Variants in MCC observed in about 807,000 individuals in gnomAD.
MCC encodes colorectal mutant cancer protein.
A neutral mutation model predicts 116.2 loss-of-function variants in MCC; 90 were observed. That is an observed-to-expected ratio of 0.77 (90% CI 0.65 to 0.92). The LOEUF (loss-of-function observed/expected upper bound fraction) is 0.92. MCC is among the 40% of genes least tolerant of loss of function. The pLI is 0.00. For missense variants in MCC, 1,516 were observed against 1,312.2 expected (o/e 1.16, Z -2.40); for synonymous variants, 578 against 510.5 (o/e 1.13, Z -1.78).
chr5:113,427,034 T>G (rs539242847), intron 1 of MCC, among the ~76,000 whole-genome samples: 2 of 152,164 alleles, frequency 1.3e-5, no homozygotes, highest in Non-Finnish European at 2.9e-5. Flanking sequence ...CACATCCTAA[T>G]TGATATATTT....
chr5:113,120,188 G>C (rs1364406727), intron 6 of MCC, among the ~76,000 whole-genome samples: 1 of 152,110 alleles, frequency 6.6e-6, no homozygotes, highest in South Asian at 2.1e-4. Context: ...CTGAAGCTTG[G>C]GGCTGCCAGG....
chr5:113,243,656 C>T (rs564793844), intron 3 of MCC, among the ~76,000 whole-genome samples: 1 of 152,302 alleles, frequency 6.6e-6, no homozygotes, highest in East Asian at 1.9e-4. Flanking sequence ...AAGGCGCTGG[C>T]CATGCCTAGT....
intron 2 of MCC, among the ~76,000 whole-genome samples, chr5:113,347,388 TTTTG>T (rs957189033): frequency 5.9e-5 from 9 of 151,878 alleles, no homozygotes; most frequent in East Asian, 3.9e-4. Context: ...TTTCGTGTTT[TTTTG>T]TTTGTTTATG....
At chr5:113,139,189 A>G (rs910436555) in intron 5 of MCC, among the ~76,000 whole-genome samples, 5 of 152,138 alleles carry the variant, frequency 3.3e-5, no homozygotes, top group Admixed American at 6.5e-5. Context: ...CAAGGACCCC[A>G]TTTTAAGGAC....
chr5:113,101,604 A>T, intron 8 of MCC, 135 bp downstream of exon 8: 1 of 840,924 alleles, frequency 1.2e-6, no homozygotes, highest in Non-Finnish European at 1.9e-6. Context: ...GAAGGACTTC[A>T]TAACAGGAAA....
chr5:113,157,228 C>T (rs1235865694), intron 3 of MCC, among the ~76,000 whole-genome samples: 1 of 152,152 alleles, frequency 6.6e-6, no homozygotes, highest in African/African-American at 2.4e-5. Flanking sequence ...GTGCACACAC[C>T]ACTCTCCAGG....
rs569634423 is a variant in MCC, at chr5:113,116,177, C to A, written c.1027+6507G>T. Reference sequence around the variant, plus strand: ...CAGTGGATCCTCCATTAGCACTCATCCCAGGCCCTGTGACCCTCATGCTAA... The same window carrying A: ...CAGTGGATCCTCCATTAGCACTCATACCAGGCCCTGTGACCCTCATGCTAA... On this transcript the variant is annotated intron_variant, in intron 6 of 18. Coordinates refer to ENST00000408903, the MANE Select transcript of MCC (RefSeq NM_001085377.2). 4.6e-5 allele frequency among the ~76,000 whole-genome samples: 7 copies of A among 152,326 alleles called. No individual in the cohort carries two copies. In the East Asian group the frequency reaches 1.3e-3, roughly 29 times the overall value.
chr5:113,375,530 G>T (rs1768960438), intron 2 of MCC, among the ~76,000 whole-genome samples: 1 of 152,088 alleles, frequency 6.6e-6, no homozygotes, highest in African/African-American at 2.4e-5. Context: ...TTCTCAGCTG[G>T]GCTGGGCTTA....
At chr5:113,316,084 G>A (rs1767272636) in intron 3 of MCC, among the ~76,000 whole-genome samples, 1 of 151,748 alleles carries the variant, frequency 6.6e-6, no homozygotes, top group African/African-American at 2.4e-5. Flanking sequence ...GGTGAAACCC[G>A]GTGTCTACTA....
At chr5:113,485,592 G>GA (rs141952104) in intron 1 of MCC, among the ~76,000 whole-genome samples, 31,901 of 152,030 alleles carry the variant, frequency 0.21, 3,881 homozygotes, top group Admixed American at 0.34. Flanking sequence ...GATGAAGAGG[G>GA]AGACAGGGCA....
intron 2 of MCC, among the ~76,000 whole-genome samples, chr5:113,373,897 TTTTG>T (rs1299658460): frequency 7.1e-6 from 1 of 139,904 alleles, no homozygotes; most frequent in East Asian, 2.0e-4. Flanking sequence ...AGCTGAGGTT[TTTTG>T]TTTTTGTTTT....
chr5:113,099,345 T>C (rs544778407), intron 8 of MCC, among the ~76,000 whole-genome samples: 2 of 152,334 alleles, frequency 1.3e-5, no homozygotes, highest in East Asian at 3.9e-4. Context: ...TGCAGGCCTG[T>C]ATGTGTGTGT....
intron 13 of MCC, among the ~76,000 whole-genome samples, chr5:113,067,056 G>A (rs1341238985): frequency 6.6e-6 from 1 of 152,192 alleles, no homozygotes; most frequent in African/African-American, 2.4e-5. Context: ...CAGGCTCGGA[G>A]CCACAATCAC....
chr5:113,034,865 C>G (rs540025348), intron 17 of MCC, among the ~76,000 whole-genome samples: 2 of 152,322 alleles, frequency 1.3e-5, no homozygotes, highest in East Asian at 3.9e-4. Flanking sequence ...TGCACAAGGC[C>G]TCCAGAGCCT....
intron 1 of MCC, among the ~76,000 whole-genome samples, chr5:113,449,891 A>G (rs2150419568): frequency 6.6e-6 from 1 of 152,320 alleles, no homozygotes; most frequent in East Asian, 1.9e-4. Flanking sequence ...TTTCAAATTT[A>G]TAGTCCTATG....
chr5:113,303,093 G>C (rs1766901752), intron 3 of MCC, among the ~76,000 whole-genome samples: 1 of 152,178 alleles, frequency 6.6e-6, no homozygotes, highest in African/African-American at 2.4e-5. Context: ...GTTTCGCAGA[G>C]GAAATCAAGT....
chr5:113,140,057 A>T (rs1004408266), intron 5 of MCC, among the ~76,000 whole-genome samples: 1 of 152,248 alleles, frequency 6.6e-6, no homozygotes, highest in Non-Finnish European at 1.5e-5. Flanking sequence ...TAAGGAACAT[A>T]CAATAAAACT....
chr5:113,381,353 C>T (rs1012945207), intron 2 of MCC, among the ~76,000 whole-genome samples: 1 of 152,102 alleles, frequency 6.6e-6, no homozygotes, highest in Admixed American at 6.5e-5. Flanking sequence ...ATCAAAAGTT[C>T]TTTTTCACTG....
At chr5:113,141,076 G>A (rs907883042) in intron 5 of MCC, among the ~76,000 whole-genome samples, 6 of 152,130 alleles carry the variant, frequency 3.9e-5, no homozygotes, top group African/African-American at 1.2e-4. Flanking sequence ...ACTGGCTAGG[G>A]GTCTGGATAG....
Sources: allele counts gnomAD v4.1 joint callset (sites outside exome capture counted in the v4.1 genomes callset), GRCh38; gene constraint gnomAD v4.1.1; transcripts MANE v1.5; gene names NCBI Gene and HGNC (gene_info 2026-07-23, HGNC 2026-07-21).